Variants in MIPEP observed in about 807,000 individuals in gnomAD.
MIPEP encodes the protein mitochondrial intermediate peptidase.
In MIPEP, 79 loss-of-function variants were observed where a neutral mutation model predicts 90.3. The ratio of observed to expected loss-of-function variants is 0.87; its 90% CI spans 0.73 to 1.05. The LOEUF (loss-of-function observed/expected upper bound fraction) is 1.05, where lower values mean the gene tolerates loss of function less well. MIPEP is among the 50% of genes least tolerant of loss of function. The pLI is 0.00. For synonymous variants in MIPEP, 334 were observed against 315.8 expected (o/e 1.06, Z -0.61); for missense variants, 940 against 905.6 (o/e 1.04, Z -0.49).
chr13:23,879,342 A>G lies in MIPEP; in HGVS notation c.465T>C (p.Asn155=). The part of the protein sequence containing the change: ...IGTMVEKLNT[N]VDLYQSLQKL... ...TTTGCAAACTTTGATATAAATCCAC[A>G]TTTGTGTTCAACCTAGAAAAAATAG... The change falls in exon 4 of 19, where the codon AAT becomes AAC. Residue 155 remains asparagine (N), a synonymous_variant. Transcript: ENST00000382172. 6.4e-7 allele frequency: 1 copy of G among 1,560,430 alleles called. No homozygotes were observed. Among genetic ancestry groups the G allele is most frequent in the Non-Finnish European group, 8.8e-7 (1 of 1,134,160 alleles).
chr13:23,765,285 C>T (rs1350125347), intron 16 of MIPEP, among the ~76,000 whole-genome samples: 2 of 152,180 alleles, frequency 1.3e-5, no homozygotes, highest in African/African-American at 4.8e-5. Context: ...CAGCAGCTTT[C>T]CTATCCACAG....
chr13:23,768,902 C>G (rs1379453935), intron 16 of MIPEP, among the ~76,000 whole-genome samples: 2 of 152,128 alleles, frequency 1.3e-5, no homozygotes, highest in Non-Finnish European at 2.9e-5. Flanking sequence ...TTGTGTCTAT[C>G]AAAAGCAAAT....
At chr13:23,750,214 T>C (rs1032559878) in intron 18 of MIPEP, among the ~76,000 whole-genome samples, 216 of 152,212 alleles carry the variant, frequency 1.4e-3, no homozygotes, top group African/African-American at 5.1e-3. Flanking sequence ...GTGGCACATC[T>C]GTCACAACTC....
intron 3 of MIPEP, 64 bp downstream of exon 3, chr13:23,881,635 A>C (rs914452284): frequency 3.6e-6 from 5 of 1,385,100 alleles, no homozygotes; most frequent in African/African-American, 1.4e-5. Context: ...TGCCTACGGC[A>C]CAAGTCCATG....
At chr13:23,737,115 C>T (rs1178471374) in intron 18 of MIPEP, among the ~76,000 whole-genome samples, 1 of 152,200 alleles carries the variant, frequency 6.6e-6, no homozygotes, top group Non-Finnish European at 1.5e-5. Flanking sequence ...AGCACTTGTA[C>T]CCAACTTACA....
At chr13:23,859,838 C>T (rs1369674079) in intron 9 of MIPEP, among the ~76,000 whole-genome samples, 2 of 152,220 alleles carry the variant, frequency 1.3e-5, no homozygotes, top group Non-Finnish European at 1.5e-5. Context: ...TCAGTTTAGG[C>T]ATAATCTCCT....
Position 23,842,070 on chromosome 13 carries a change from C to A in MIPEP, c.1107-582G>T, listed in dbSNP as rs567259748. 4.3e-4 allele frequency among the ~76,000 whole-genome samples: 65 copies of A among 152,170 alleles called. No homozygotes were observed. The South Asian group carries it at 0.01, about 24-fold the overall frequency. Reference sequence around the variant, plus strand: ...AACTAGTAAGGTGAATTATTCTTCACCCAAAAATAACTTTTTCTGTTCTAT... The same window carrying A: ...AACTAGTAAGGTGAATTATTCTTCAACCAAAAATAACTTTTTCTGTTCTAT... On this transcript the variant is annotated intron_variant, in intron 10 of 18. Coordinates refer to ENST00000382172, the MANE Select transcript of MIPEP (RefSeq NM_005932.4).
chr13:23,845,308 G>A (rs1011044448), intron 10 of MIPEP, among the ~76,000 whole-genome samples: 1 of 152,090 alleles, frequency 6.6e-6, no homozygotes, highest in Non-Finnish European at 1.5e-5. Context: ...ATCTCCTGTT[G>A]TGTTGTACAT....
At chr13:23,738,442 T>C (rs773974667) in intron 18 of MIPEP, among the ~76,000 whole-genome samples, 188 of 150,160 alleles carry the variant, frequency 1.3e-3, no homozygotes, top group Non-Finnish European at 2.5e-3. Flanking sequence ...ATATAAAAAT[T>C]ACTGAGTTTT....
At chr13:23,781,326 A>C (rs1952780084) in intron 16 of MIPEP, among the ~76,000 whole-genome samples, 1 of 152,232 alleles carries the variant, frequency 6.6e-6, no homozygotes, top group Non-Finnish European at 1.5e-5. Flanking sequence ...AAGAATTTTC[A>C]ACCCAGAATT....
At chr13:23,801,117 A>G (rs942964034) in intron 16 of MIPEP, among the ~76,000 whole-genome samples, 1 of 152,232 alleles carries the variant, frequency 6.6e-6, no homozygotes, top group African/African-American at 2.4e-5. Flanking sequence ...GGGGAATAAA[A>G]GGATTCATTT....
chr13:23,873,830 G>A (rs1275669187), intron 5 of MIPEP, among the ~76,000 whole-genome samples: 1 of 152,186 alleles, frequency 6.6e-6, no homozygotes, highest in Non-Finnish European at 1.5e-5. Context: ...GGCAATGTGA[G>A]TTTACAGTAG....
chr13:23,860,491 G>C (rs899406277), intron 9 of MIPEP, among the ~76,000 whole-genome samples: 4 of 152,218 alleles, frequency 2.6e-5, no homozygotes, highest in Non-Finnish European at 4.4e-5. Flanking sequence ...CCTCGGCTTG[G>C]AGGGGCAGCA....
intron 13 of MIPEP, among the ~76,000 whole-genome samples, 166 bp downstream of exon 13, chr13:23,837,386 T>TTAG (rs1869100680): frequency 6.6e-6 from 1 of 152,100 alleles, no homozygotes; most frequent in African/African-American, 2.4e-5. Context: ...GCATGGAAGA[T>TTAG]CAGGCTGCAC....
chr13:23,872,323 T>G (rs1168375853), intron 5 of MIPEP, among the ~76,000 whole-genome samples: 2 of 152,098 alleles, frequency 1.3e-5, no homozygotes, highest in Middle Eastern at 3.2e-3. Context: ...TAGCTGGGCG[T>G]GGTGGCACAT....
intron 7 of MIPEP, among the ~76,000 whole-genome samples, chr13:23,864,992 T>A (rs565336917): frequency 6.7e-6 from 1 of 148,564 alleles, no homozygotes; most frequent in African/African-American, 2.5e-5. Flanking sequence ...TGTAGAATAA[T>A]CTATTCAGGA....
intron 3 of MIPEP, among the ~76,000 whole-genome samples, chr13:23,880,160 C>T (rs1340807985): frequency 6.6e-6 from 1 of 152,132 alleles, no homozygotes; most frequent in Non-Finnish European, 1.5e-5. Flanking sequence ...CACAAAAAAA[C>T]ACTTAAGATT....
At chr13:23,836,426 T>C (rs916060396) in intron 13 of MIPEP, 77 bp from the exon 14 acceptor site, 1 of 718,446 alleles carries the variant, frequency 1.4e-6, no homozygotes, top group Non-Finnish European at 2.1e-6. Flanking sequence ...CCTTTAAAAC[T>C]TTTATTTGTA....
At chr13:23,770,890 C>CT (rs1952642671) in intron 16 of MIPEP, among the ~76,000 whole-genome samples, 1 of 152,246 alleles carries the variant, frequency 6.6e-6, no homozygotes. Flanking sequence ...CAGCGAGGGC[C>CT]TGCCCTGTGT....
Sources: gnomAD v4.1 joint callset for allele counts (sites outside exome capture counted in the v4.1 genomes callset) on GRCh38, gnomAD v4.1.1 for gene constraint, MANE v1.5 for transcripts, NCBI Gene and HGNC (gene_info 2026-07-23, HGNC 2026-07-21) for gene names.